Variants in BMPR1A observed in about 807,000 individuals in gnomAD.
The protein encoded by BMPR1A is bone morphogenetic protein receptor type 1A, also known as bone morphogenetic protein receptor type-1A.
Under a neutral mutation model 66.0 loss-of-function variants are expected in BMPR1A, and 7 were observed. The observed-to-expected ratio is 0.11, with a 90% confidence interval of 0.06 to 0.20. The LOEUF (loss-of-function observed/expected upper bound fraction) is 0.20. Ranked by LOEUF, BMPR1A falls within the 10% of genes least tolerant of loss-of-function variation. BMPR1A has a pLI of 1.00. For synonymous variants in BMPR1A, 200 were observed against 229.7 expected (o/e 0.87, Z 1.17); for missense variants, 408 against 669.1 (o/e 0.61, Z 4.31).
At chr10:86,873,476 G>A (rs987511047) in intron 2 of BMPR1A, among the ~76,000 whole-genome samples, 3 of 150,980 alleles carry the variant, frequency 2.0e-5, no homozygotes, top group African/African-American at 4.9e-5. Context: ...GAATAAGTGA[G>A]TAAATTAATA....
intron 1 of BMPR1A, among the ~76,000 whole-genome samples, chr10:86,781,857 CTTTTTTTT>C (rs1162095658): frequency 1.2e-5 from 1 of 84,238 alleles, no homozygotes; most frequent in Admixed American, 1.7e-4. Flanking sequence ...GACAGGATTT[CTTTTTTTT>C]TTTTTTTTTT....
At chr10:86,769,082 G>A (rs1053327167) in intron 1 of BMPR1A, among the ~76,000 whole-genome samples, 3 of 152,176 alleles carry the variant, frequency 2.0e-5, no homozygotes, top group African/African-American at 7.2e-5. Context: ...CTAAAAGTAT[G>A]CATTATTTTA....
chr10:86,783,236 A>G (rs1841463377), intron 1 of BMPR1A, among the ~76,000 whole-genome samples: 1 of 152,164 alleles, frequency 6.6e-6, no homozygotes, highest in South Asian at 2.1e-4. Context: ...TGCTAGTACT[A>G]TTTTGATCAC....
At chr10:86,769,286 G>C (rs1841213525) in intron 1 of BMPR1A, among the ~76,000 whole-genome samples, 1 of 152,184 alleles carries the variant, frequency 6.6e-6, no homozygotes. Context: ...GCTGAACTCT[G>C]TAGTTCTACC....
intron 1 of BMPR1A, 113 bp downstream of exon 1, chr10:86,757,032 T>TGCCCG (rs924662200): frequency 6.6e-6 from 1 of 150,432 alleles, no homozygotes; most frequent in African/African-American, 2.4e-5. Context: ...AGCCAGGGGC[T>TGCCCG]GCCCGGCCCG....
At chr10:86,930,527 C>T (rs949458127), downstream of BMPR1A, 22 of 152,356 alleles carry the variant, frequency 1.4e-4, no homozygotes, top group African/African-American at 4.8e-4. Context: ...ATCTGCCCAC[C>T]TTGGCCTTCC....
chr10:86,769,255 A>G (rs1472890022), intron 1 of BMPR1A, among the ~76,000 whole-genome samples: 1 of 152,194 alleles, frequency 6.6e-6, no homozygotes, highest in African/African-American at 2.4e-5. Context: ...AAGTTGGTGT[A>G]AAAGAGTAAA....
chr10:86,783,320 G>A (rs945673279), intron 1 of BMPR1A, among the ~76,000 whole-genome samples: 15 of 152,248 alleles, frequency 9.9e-5, no homozygotes, highest in South Asian at 4.1e-4. Flanking sequence ...GGTTGTTTTG[G>A]CTATTTGGGG....
At chr10:86,918,595 T>C (rs1039031121) in intron 9 of BMPR1A, among the ~76,000 whole-genome samples, 1 of 152,118 alleles carries the variant, frequency 6.6e-6, no homozygotes, top group Non-Finnish European at 1.5e-5. Flanking sequence ...TTGTATAATA[T>C]GTCATCTTTT....
chr10:86,901,322 C>T (rs1351609387), intron 7 of BMPR1A, among the ~76,000 whole-genome samples: 3 of 152,198 alleles, frequency 2.0e-5, no homozygotes, highest in Non-Finnish European at 2.9e-5. Flanking sequence ...CTGTTTTAAG[C>T]CACTCAGTTT....
At chr10:86,864,976 C>T (rs1335895940) in intron 2 of BMPR1A, among the ~76,000 whole-genome samples, 2 of 152,144 alleles carry the variant, frequency 1.3e-5, no homozygotes, top group African/African-American at 4.8e-5. Context: ...CATACCACCC[C>T]CCAAAAATTT....
At chr10:86,825,113 G>C (rs1466242805) in intron 1 of BMPR1A, among the ~76,000 whole-genome samples, 3 of 132,048 alleles carry the variant, frequency 2.3e-5, no homozygotes, top group Non-Finnish European at 4.9e-5. Context: ...TTGTTTGTTT[G>C]TTTGTTTTAA....
At chr10:86,777,503 C>T (rs1841369978) in intron 1 of BMPR1A, among the ~76,000 whole-genome samples, 1 of 151,980 alleles carries the variant, frequency 6.6e-6, no homozygotes, top group Admixed American at 6.6e-5. Context: ...ATCACTTGAG[C>T]CTGATGAGGT....
chr10:86,828,896 G>A (rs969985089), intron 1 of BMPR1A, among the ~76,000 whole-genome samples: 2 of 152,208 alleles, frequency 1.3e-5, no homozygotes, highest in Non-Finnish European at 1.5e-5. Context: ...TTCGTAAGTT[G>A]TAGAACAAGA....
At chr10:86,882,931 C>T (rs898805403) in intron 3 of BMPR1A, among the ~76,000 whole-genome samples, 9 of 151,896 alleles carry the variant, frequency 5.9e-5, no homozygotes, top group African/African-American at 2.2e-4. Flanking sequence ...CCACTGTACT[C>T]CAGCCTGGGC....
At position 86,763,084 on chromosome 10, in the gene BMPR1A, C is replaced by T. The variant is rs149328458; in HGVS notation, c.-268+6165C>T. Among the ~76,000 whole-genome samples, 434 of 152,032 alleles carry T rather than the reference C, an allele frequency of 2.9e-3. 4 individuals are homozygous for T. The highest frequency in any genetic ancestry group is 0.014 in the Middle Eastern group (4 of 294). On this transcript the variant is annotated intron_variant, in intron 1 of 12. Transcript: ENST00000372037. ...CTAATTTTTGTATTTTTAGTAGAGA[C>T]GGGGTTTCGCTGTGTTGGTCAGGCT...
intron 1 of BMPR1A, among the ~76,000 whole-genome samples, chr10:86,815,608 C>G (rs1315477701): frequency 3.3e-5 from 5 of 152,180 alleles, no homozygotes; most frequent in Non-Finnish European, 7.3e-5. Context: ...TTTGCAGGCA[C>G]TGGTTTTATC....
chr10:86,790,162 CAAAAAAAAAAAA>C (rs1170317792), intron 1 of BMPR1A, among the ~76,000 whole-genome samples: 195 of 7,136 alleles, frequency 0.027, no homozygotes, highest in South Asian at 0.059. Context: ...ACTCTGTCTC[CAAAAAAAAAAAA>C]AAAAAAAAAA....
chr10:86,870,871 T>C (rs1402173409), intron 2 of BMPR1A, among the ~76,000 whole-genome samples: 1 of 152,140 alleles, frequency 6.6e-6, no homozygotes, highest in Non-Finnish European at 1.5e-5. Context: ...ATATTCTGCT[T>C]ACTCATCTGT....
Sources: gnomAD v4.1 joint callset for allele counts (sites outside exome capture counted in the v4.1 genomes callset) on GRCh38, gnomAD v4.1.1 for gene constraint, MANE v1.5 for transcripts, NCBI Gene and HGNC (gene_info 2026-07-23, HGNC 2026-07-21) for gene names.